Variants in EIPR1 observed in about 807,000 individuals in gnomAD.
The protein encoded by EIPR1 is EARP complex and GARP complex interacting protein 1.
In EIPR1, 25 loss-of-function variants were observed where a neutral mutation model predicts 48.1. That is an observed-to-expected ratio of 0.52 (90% CI 0.38 to 0.73). The LOEUF is 0.73. Ranked by LOEUF, EIPR1 falls within the 30% of genes least tolerant of loss-of-function variation. The pLI is 0.00. For synonymous variants in EIPR1, 204 were observed against 201.9 expected (o/e 1.01, Z -0.09); for missense variants, 415 against 506.2 (o/e 0.82, Z 1.73).
chr2:3,336,593 C>G (rs879603894), intron 3 of EIPR1, among the ~76,000 whole-genome samples: 2 of 152,106 alleles, frequency 1.3e-5, no homozygotes, highest in African/African-American at 2.4e-5. Flanking sequence ...CATGGTGAAA[C>G]CCCATCTCTG....
chr2:3,341,844 C>T (rs931421588), intron 2 of EIPR1, among the ~76,000 whole-genome samples: 3 of 152,088 alleles, frequency 2.0e-5, no homozygotes, highest in African/African-American at 7.2e-5. Context: ...TTATATCTTA[C>T]AGGCAGAAAC....
chr2:3,331,228 TGTGTCAGCAGAGGCA>T (rs1669894764), intron 3 of EIPR1, among the ~76,000 whole-genome samples: 10 of 83,958 alleles, frequency 1.2e-4, no homozygotes, highest in African/African-American at 2.6e-4. Context: ...ACTCATGAGA[TGTGTCAGCAGAGGCA>T]GGTGTGTACA....
intron 4 of EIPR1, among the ~76,000 whole-genome samples, chr2:3,245,026 T>A (rs1666751393): frequency 6.6e-6 from 1 of 152,192 alleles, no homozygotes; most frequent in Non-Finnish European, 1.5e-5. Flanking sequence ...TTATGACTCT[T>A]CCTAGAATAA....
intron 1 of EIPR1, among the ~76,000 whole-genome samples, chr2:3,376,686 ATC>A (rs1659895168): frequency 1.1e-5 from 1 of 90,606 alleles, no homozygotes; most frequent in African/African-American, 3.6e-5. Context: ...GCAAGACTCC[ATC>A]TCAAAAAAAA....
intron 3 of EIPR1, among the ~76,000 whole-genome samples, chr2:3,314,245 G>A (rs1207139176): frequency 6.6e-6 from 1 of 152,150 alleles, no homozygotes; most frequent in Non-Finnish European, 1.5e-5. Flanking sequence ...TCGTTCCCAA[G>A]TACAGAGGCA....
chr2:3,196,417 C>T (rs1478548709), intron 6 of EIPR1, among the ~76,000 whole-genome samples: 2 of 152,136 alleles, frequency 1.3e-5, no homozygotes, highest in Non-Finnish European at 2.9e-5. Context: ...GAGCTGCTGG[C>T]TGTTGGGTAT....
At chr2:3,279,262 T>A (rs1667949926) in intron 3 of EIPR1, among the ~76,000 whole-genome samples, 1 of 152,238 alleles carries the variant, frequency 6.6e-6, no homozygotes, top group Non-Finnish European at 1.5e-5. Flanking sequence ...CTGATGTAAT[T>A]AGGTTTCCAA....
chr2:3,372,840 A>T (rs1659716705), intron 1 of EIPR1, among the ~76,000 whole-genome samples: 1 of 152,214 alleles, frequency 6.6e-6, no homozygotes, highest in Non-Finnish European at 1.5e-5. Flanking sequence ...AAACTATTCC[A>T]ATCAATAGAA....
chr2:3,301,257 A>C (rs1210096545), intron 3 of EIPR1: 1 of 152,226 alleles, frequency 6.6e-6, no homozygotes, highest in African/African-American at 2.4e-5. Flanking sequence ...AGTGAGATGC[A>C]GTAGACGGCA....
chr2:3,332,411 C>A (rs994935785), intron 3 of EIPR1, among the ~76,000 whole-genome samples: 32 of 152,236 alleles, frequency 2.1e-4, no homozygotes, highest in African/African-American at 7.7e-4. Flanking sequence ...CCCTGCGTGA[C>A]CAGGCTTCTT....
chr2:3,365,189 C>A (rs1204635403), intron 1 of EIPR1, among the ~76,000 whole-genome samples: 1 of 150,934 alleles, frequency 6.6e-6, no homozygotes, highest in Non-Finnish European at 1.5e-5. Context: ...TATAATTCCA[C>A]AACTGTAAGA....
intron 4 of EIPR1, among the ~76,000 whole-genome samples, chr2:3,223,445 T>C (rs1665961693): frequency 6.6e-6 from 1 of 152,214 alleles, no homozygotes; most frequent in South Asian, 2.1e-4. Flanking sequence ...AGGCCTTTAG[T>C]AAACTGTGTG....
chr2:3,302,588 C>T (rs573379548), intron 3 of EIPR1, among the ~76,000 whole-genome samples: 12 of 152,194 alleles, frequency 7.9e-5, no homozygotes, highest in African/African-American at 2.2e-4. Context: ...GGCGACAGGC[C>T]GGATGAAGAC....
At chr2:3,233,598 G>A (rs542418749) in intron 4 of EIPR1, among the ~76,000 whole-genome samples, 10 of 152,284 alleles carry the variant, frequency 6.6e-5, no homozygotes, top group African/African-American at 1.9e-4. Context: ...GTATGTCTTC[G>A]CTGCTTTAAT....
intron 5 of EIPR1, among the ~76,000 whole-genome samples, chr2:3,205,255 G>A (rs1403074370): frequency 6.6e-6 from 1 of 152,230 alleles, no homozygotes; most frequent in African/African-American, 2.4e-5. Context: ...GAGCTGAGCA[G>A]GAGGAAACTG....
At chr2:3,303,030 C>T (rs1369822399) in intron 3 of EIPR1, among the ~76,000 whole-genome samples, 2 of 152,128 alleles carry the variant, frequency 1.3e-5, no homozygotes, top group African/African-American at 2.4e-5. Context: ...ATATGAAGAC[C>T]GCTGAAAAGT....
chr2:3,262,920 A>G (rs1390948926), intron 3 of EIPR1, among the ~76,000 whole-genome samples: 1 of 152,188 alleles, frequency 6.6e-6, no homozygotes. Flanking sequence ...CACACAGGAC[A>G]GAGTCAGGCA....
At chr2:3,357,817 GT>G (rs1220113214) in intron 1 of EIPR1, among the ~76,000 whole-genome samples, 16 of 149,012 alleles carry the variant, frequency 1.1e-4, no homozygotes, top group Non-Finnish European at 2.1e-4. Flanking sequence ...TTTTAACAGA[GT>G]CCGTGAGCCA....
intron 4 of EIPR1, chr2:3,214,579 G>T: frequency 5.1e-6 from 1 of 197,128 alleles, no homozygotes; most frequent in Non-Finnish European, 1.0e-5. Context: ...AAATGCAGTG[G>T]ATGCACCTAA....
Sources: gnomAD v4.1 joint callset for allele counts (sites outside exome capture counted in the v4.1 genomes callset) on GRCh38, gnomAD v4.1.1 for gene constraint, MANE v1.5 for transcripts, NCBI Gene and HGNC (gene_info 2026-07-23, HGNC 2026-07-21) for gene names.